ST18: variants seen among roughly 807,000 people sequenced by gnomAD.
ST18 encodes the protein suppression of tumorigenicity 18 protein.
Under a neutral mutation model 110.0 loss-of-function variants are expected in ST18, and 50 were observed. The observed-to-expected ratio is 0.45, with a 90% confidence interval of 0.36 to 0.58. The LOEUF (loss-of-function observed/expected upper bound fraction) is 0.58. Ranked by LOEUF, ST18 falls within the 20% of genes least tolerant of loss-of-function variation. ST18 has a pLI of 0.00. For missense variants in ST18, 1,306 were observed against 1,280.1 expected, an observed-to-expected ratio of 1.02 and a Z score of -0.31; for synonymous variants, 461 against 452.4, an observed-to-expected ratio of 1.02 and a Z score of -0.24.
At chr8:52,276,068 CACAT>C (rs1564392263) in intron 2 of ST18, among the ~76,000 whole-genome samples, 3 of 133,440 alleles carry the variant, frequency 2.2e-5, no homozygotes, top group Non-Finnish European at 3.2e-5. Flanking sequence ...ATCACACATA[CACAT>C]CACACATGTA....
intron 8 of ST18, among the ~76,000 whole-genome samples, chr8:52,190,612 G>A (rs1475680144): frequency 2.6e-5 from 4 of 152,070 alleles, no homozygotes; most frequent in Admixed American, 6.6e-5. Context: ...CATCTCTATC[G>A]GAAGCAGAAC....
intron 13 of ST18, among the ~76,000 whole-genome samples, chr8:52,162,385 T>C (rs2061687821): frequency 6.6e-6 from 1 of 152,180 alleles, no homozygotes; most frequent in Non-Finnish European, 1.5e-5. Context: ...CTCTGCTCAG[T>C]CCTGCAGAGC....
chr8:52,172,644 C>T, intron 9 of ST18, 61 bp from the exon 10 acceptor site: 2 of 1,372,412 alleles, frequency 1.5e-6, no homozygotes, highest in East Asian at 2.4e-5. Context: ...AGGAAAATTG[C>T]AACAAGTTAT....
At chr8:52,272,985 T>C (rs765925325) in intron 2 of ST18, among the ~76,000 whole-genome samples, 54 of 152,336 alleles carry the variant, frequency 3.5e-4, no homozygotes, top group South Asian at 1.9e-3. Context: ...AGATCTGCTA[T>C]ACAACACTGT....
At chr8:52,387,672 A>G (rs1837374932) in intron 2 of ST18, among the ~76,000 whole-genome samples, 1 of 152,128 alleles carries the variant, frequency 6.6e-6, no homozygotes, top group Non-Finnish European at 1.5e-5. Context: ...CTAGTGTTAG[A>G]AAAGTCACAA....
chr8:52,380,057 G>T (rs752632324), intron 2 of ST18, among the ~76,000 whole-genome samples: 5 of 152,082 alleles, frequency 3.3e-5, no homozygotes, highest in Non-Finnish European at 7.4e-5. Context: ...CATAAACCTT[G>T]AGTAACACCA....
chr8:52,337,410 ACTCT>A (rs997412546), intron 2 of ST18, among the ~76,000 whole-genome samples: 5 of 152,178 alleles, frequency 3.3e-5, no homozygotes, highest in Admixed American at 6.5e-5. Context: ...AACTGCAAGT[ACTCT>A]CTCTATCTTT....
chr8:52,150,737 T>G (rs557604497), intron 15 of ST18: 12 of 152,342 alleles, frequency 7.9e-5, no homozygotes, highest in African/African-American at 2.9e-4. Flanking sequence ...AGTGTGAGAC[T>G]TAAAACTAAA....
At chr8:52,366,452 C>T (rs1184149621) in intron 2 of ST18, among the ~76,000 whole-genome samples, 1 of 152,168 alleles carries the variant, frequency 6.6e-6, no homozygotes, top group Non-Finnish European at 1.5e-5. Flanking sequence ...AGCCTCACTG[C>T]CCCTCTGTCC....
chr8:52,290,313 A>G (rs1319637915), intron 2 of ST18, among the ~76,000 whole-genome samples: 1 of 151,844 alleles, frequency 6.6e-6, no homozygotes, highest in Non-Finnish European at 1.5e-5. Flanking sequence ...GAGACATCTC[A>G]CTCTCCTGAT....
At chr8:52,232,221 T>G (rs2091603064) in intron 2 of ST18, among the ~76,000 whole-genome samples, 1 of 152,210 alleles carries the variant, frequency 6.6e-6, no homozygotes, top group Non-Finnish European at 1.5e-5. Context: ...CTCATTGAAG[T>G]ACATTCTCAG....
At chr8:52,408,316 T>C (rs991320309) in intron 2 of ST18, among the ~76,000 whole-genome samples, 1 of 152,208 alleles carries the variant, frequency 6.6e-6, no homozygotes, top group African/African-American at 2.4e-5. Context: ...TTATCTGAAA[T>C]AGTTAGAAAG....
At chr8:52,333,626 A>T (rs1425111909) in intron 2 of ST18, among the ~76,000 whole-genome samples, 1 of 152,228 alleles carries the variant, frequency 6.6e-6, no homozygotes, top group Non-Finnish European at 1.5e-5. Flanking sequence ...GAGATAAAGG[A>T]AACCTGAAAA....
At chr8:52,388,588 T>C (rs1263562796) in intron 2 of ST18, among the ~76,000 whole-genome samples, 1 of 151,992 alleles carries the variant, frequency 6.6e-6, no homozygotes. Flanking sequence ...CCCAGGGTGC[T>C]TGTTGAGTGA....
intron 15 of ST18, among the ~76,000 whole-genome samples, chr8:52,156,123 C>A (rs1365922654): frequency 6.6e-6 from 1 of 152,182 alleles, no homozygotes; most frequent in Non-Finnish European, 1.5e-5. Flanking sequence ...TAGCTCTTTA[C>A]CCAGAGCCAT....
chr8:52,307,261 A>G (rs2095829710), intron 2 of ST18, among the ~76,000 whole-genome samples: 1 of 152,212 alleles, frequency 6.6e-6, no homozygotes, highest in Non-Finnish European at 1.5e-5. Flanking sequence ...ATGACTCCCT[A>G]AAGTTCTTTG....
intron 17 of ST18, 188 bp from the exon 18 acceptor site, chr8:52,137,671 A>G: frequency 1.9e-6 from 1 of 526,760 alleles, no homozygotes; most frequent in South Asian, 3.3e-5. Context: ...AAGAAAACTA[A>G]AAATCATAGC....
chr8:52,394,057 C>T (rs574243726), intron 2 of ST18, among the ~76,000 whole-genome samples: 35 of 152,286 alleles, frequency 2.3e-4, no homozygotes, highest in African/African-American at 7.7e-4. Flanking sequence ...TATCTTCATA[C>T]TCACAGATCT....
In ST18 at chr8:52,132,089, C is replaced by A. The variant is rs1337499335; in HGVS notation, c.2535G>T (p.Lys845Asn). 6.2e-7 allele frequency: 1 copy of A among 1,614,176 alleles called. No homozygotes were observed. The change falls in exon 22 of 26, where the codon AAG becomes AAT. Residue 845 changes from lysine (K) to asparagine (N), a missense_variant. Physicochemically the swap from Lys to Asn is moderately conservative, Grantham distance 94. Coordinates refer to ENST00000689386, the MANE Select transcript of ST18 (RefSeq NM_001352837.2). ...CATTGAGAGGATTCTCCTTCTGTCT[C>A]TTGGCAGCCAGAGGACAGCCAGAAG... is the stretch of plus-strand genomic sequence containing the variant. Reference protein sequence around the residue: ...RTASGCPLAAKRQKENPLNGA... With the variant: ...RTASGCPLAANRQKENPLNGA...
Sources: gnomAD v4.1 joint callset for allele counts (sites outside exome capture counted in the v4.1 genomes callset) on GRCh38, gnomAD v4.1.1 for gene constraint, MANE v1.5 for transcripts, NCBI Gene and HGNC (gene_info 2026-07-23, HGNC 2026-07-21) for gene names.